MDM1: variants seen among roughly 807,000 people sequenced by gnomAD.
MDM1 encodes Mdm1 nuclear protein.
A neutral mutation model predicts 89.1 loss-of-function variants in MDM1; 61 were observed. The ratio of observed to expected loss-of-function variants is 0.68; its 90% CI spans 0.56 to 0.85. MDM1 has a LOEUF of 0.85. Among genes scored for constraint, MDM1 ranks in the 40% least tolerant of loss-of-function variants. The pLI is 0.00. For synonymous variants in MDM1, 290 were observed against 294.1 expected (o/e 0.99, Z 0.14); for missense variants, 820 against 846.5 (o/e 0.97, Z 0.39).
intron 13 of MDM1, among the ~76,000 whole-genome samples, chr12:68,300,038 T>A (rs556216240): frequency 2.2e-4 from 34 of 152,290 alleles, no homozygotes; most frequent in Non-Finnish European, 4.4e-4. Context: ...ATCTTTAGCC[T>A]CCTTAAACAG....
In MDM1 at chr12:68,324,601, G is replaced by C. The variant is rs371872217; in HGVS notation, c.633+840C>G. ...TCTAATTATCCTGTCAGTTCTTACGGCTATACAAAATATACAAGTGAATGT... is the reference window on the plus strand; with the variant it reads ...TCTAATTATCCTGTCAGTTCTTACGCCTATACAAAATATACAAGTGAATGT... On this transcript the variant is annotated intron_variant, in intron 4 of 14. Transcript: ENST00000682720. Among the ~76,000 whole-genome samples the C allele has an allele frequency of 1.6e-4, 25 of 152,208 alleles. No individual in the cohort carries two copies. In the South Asian group the frequency reaches 5.0e-3, roughly 30 times the overall value.
intron 1 of MDM1, 159 bp downstream of exon 1, chr12:68,332,069 G>A (rs1164171247): frequency 9.9e-6 from 9 of 907,556 alleles, no homozygotes; most frequent in Middle Eastern, 2.1e-4. Flanking sequence ...GTTAAGAGGC[G>A]GCGGGCAGAT....
intron 12 of MDM1, among the ~76,000 whole-genome samples, chr12:68,303,824 A>G (rs1872536532): frequency 6.6e-6 from 1 of 152,246 alleles, no homozygotes; most frequent in Admixed American, 6.5e-5. Flanking sequence ...TTAACAGTGG[A>G]TGTCCCTGAA....
chr12:68,322,634 GA>G (rs1022239410), intron 5 of MDM1, among the ~76,000 whole-genome samples: 2 of 151,902 alleles, frequency 1.3e-5, no homozygotes, highest in Admixed American at 6.6e-5. Flanking sequence ...ACTCTGTCTC[GA>G]AAAAAATAAA....
In MDM1 at chr12:68,315,278, A is replaced by C; in HGVS notation, c.1212-13T>G. 1.3e-6 allele frequency: 2 copies of C among 1,593,636 alleles called. No homozygotes were observed. Among genetic ancestry groups the C allele is most frequent in the Non-Finnish European group, 1.7e-6 (2 of 1,170,000 alleles). On this transcript the variant is annotated splice_polypyrimidine_tract_variant and intron_variant, in intron 9 of 14. Coordinates refer to ENST00000682720, the MANE Select transcript of MDM1 (RefSeq NM_001354969.2). ...GCTTGTAGGATCTCTGCGTAACAAA[A>C]TCAATTTTATTTTAAATGTGAATAG...
chr12:68,314,239 G>T (rs1874150966), intron 10 of MDM1, among the ~76,000 whole-genome samples: 2 of 150,458 alleles, frequency 1.3e-5, no homozygotes, highest in Non-Finnish European at 3.0e-5. Context: ...TTCCAATAAT[G>T]AATAGAACTA....
chr12:68,327,657 C>G, intron 2 of MDM1: 1 of 732,374 alleles, frequency 1.4e-6, no homozygotes, highest in South Asian at 1.7e-5. Context: ...AGAGACTGCC[C>G]TAGTTTAGGG....
chr12:68,312,777 TTC>T (rs1355625554), intron 12 of MDM1, among the ~76,000 whole-genome samples: 11 of 151,192 alleles, frequency 7.3e-5, no homozygotes, highest in Non-Finnish European at 1.3e-4. Flanking sequence ...CTCCCTCTCA[TTC>T]TCTCTCTCTC....
rs370323878 is a variant in MDM1 at position 68,307,426 on chromosome 12, A to G, written c.1750-4554T>C. Among the ~76,000 whole-genome samples, 97 of 152,322 alleles carry G rather than the reference A, an allele frequency of 6.4e-4. No individual in the cohort carries two copies. In the South Asian group the frequency reaches 0.02, roughly 31 times the overall value. On this transcript the variant is annotated intron_variant, in intron 12 of 14. Coordinates refer to ENST00000682720, the MANE Select transcript of MDM1 (RefSeq NM_001354969.2). ...CAAGAAGGGAGGACTGCTTGAACCCAGGAGTTTGAGAACAGCCTGGCAACA... is the reference window on the plus strand; with the variant it reads ...CAAGAAGGGAGGACTGCTTGAACCCGGGAGTTTGAGAACAGCCTGGCAACA...
At chr12:68,316,034 A>G (rs768852037) in intron 9 of MDM1, 44 bp downstream of exon 9, 2 of 1,541,356 alleles carry the variant, frequency 1.3e-6, no homozygotes, top group East Asian at 2.3e-5. Context: ...TGATCTACAT[A>G]AGCTTCAACA....
chr12:68,326,425 C>A (rs1875985315), intron 3 of MDM1: 1 of 1,452,086 alleles, frequency 6.9e-7, no homozygotes, highest in Non-Finnish European at 9.0e-7. Context: ...GCAGGAGGTC[C>A]ATCCAATAAA....
intron 12 of MDM1, among the ~76,000 whole-genome samples, chr12:68,311,909 C>T (rs1215292668): frequency 1.3e-5 from 2 of 152,196 alleles, no homozygotes; most frequent in African/African-American, 2.4e-5. Context: ...AAGACCTCCA[C>T]GTTGCTAAAT....
chr12:68,327,151 C>T, intron 2 of MDM1, 130 bp from the exon 3 acceptor site: 1 of 1,396,374 alleles, frequency 7.2e-7, no homozygotes, highest in Non-Finnish European at 9.3e-7. Flanking sequence ...TATATACACA[C>T]AATATCCTTC....
In MDM1 at chr12:68,323,180, T is replaced by C; in HGVS notation, c.694A>G (p.Thr232Ala). Residue 232 changes from threonine (T) to alanine (A), a missense_variant, in exon 5 of 15, where the codon ACT becomes GCT. Thr to Ala is a moderately conservative substitution (Grantham distance 58). Transcript: ENST00000682720. ...PFKGNSVIHE[T>A]EYKRNFKGLS... ...CCCTTGAAATTTCTTTTGTATTCAG[T>C]TTCATGGATGACTGAGTTACCTTTG... 1 of 1,610,344 alleles carries C rather than the reference T, an allele frequency of 6.2e-7. No individual in the cohort carries two copies. The highest frequency in any genetic ancestry group is 8.5e-7 in the Non-Finnish European group (1 of 1,178,916).
chr12:68,316,429 G>A, intron 8 of MDM1, 152 bp downstream of exon 8: 1 of 936,290 alleles, frequency 1.1e-6, no homozygotes, highest in Non-Finnish European at 1.6e-6. Context: ...AAACAATCAA[G>A]CTAAAGCATG....
chr12:68,321,533 T>A lies in MDM1; in HGVS notation c.897A>T (p.Gln299His), dbSNP rs780285925. 3.7e-6 allele frequency: 6 copies of A among 1,612,552 alleles called. No individual in the cohort carries two copies. Among genetic ancestry groups the A allele is most frequent in the Non-Finnish European group, 5.1e-6 (6 of 1,179,306 alleles). The change falls in exon 6 of 15, where the codon CAA becomes CAT. Residue 299 changes from glutamine (Q) to histidine (H), a missense_variant. Coordinates refer to ENST00000682720, the MANE Select transcript of MDM1 (RefSeq NM_001354969.2). ...PKRKLTPWKH[Q>H]RLGKVNSEYR... ...CCTATTAAAATACATACCCAAGCCT[T>A]TGATGTTTCCAAGGAGTAAGCTTCC...
intron 2 of MDM1, among the ~76,000 whole-genome samples, chr12:68,329,899 T>C (rs1876542076): frequency 6.6e-6 from 1 of 152,206 alleles, no homozygotes; most frequent in African/African-American, 2.4e-5. Context: ...AATTACATGC[T>C]TTGCACAAAA....
chr12:68,327,358 AT>A, intron 2 of MDM1: 2 of 1,525,706 alleles, frequency 1.3e-6, no homozygotes, highest in African/African-American at 1.4e-5. Flanking sequence ...CTCGTTTCTA[AT>A]TACTTTCCTG....
chr12:68,327,445 A>C (rs1176841114), intron 2 of MDM1: 2 of 1,535,948 alleles, frequency 1.3e-6, no homozygotes, highest in Admixed American at 3.9e-5. Context: ...TATGTGGAGC[A>C]GACCAAGATG....
Sources: gnomAD v4.1 joint callset for allele counts (sites outside exome capture counted in the v4.1 genomes callset) on GRCh38, gnomAD v4.1.1 for gene constraint, MANE v1.5 for transcripts, NCBI Gene and HGNC (gene_info 2026-07-23, HGNC 2026-07-21) for gene names.